The following RORA variants were observed in gnomAD, a reference collection of about 807,000 sequenced individuals.
RORA encodes nuclear receptor ROR-alpha.
RORA carries 7 observed loss-of-function variants against 69.5 expected under a neutral mutation model. The ratio of observed to expected loss-of-function variants is 0.10; its 90% CI spans 0.06 to 0.19. The LOEUF (loss-of-function observed/expected upper bound fraction) is 0.19, where lower values mean the gene tolerates loss of function less well. Among genes scored for constraint, RORA ranks in the 10% least tolerant of loss-of-function variants. The pLI is 1.00. For missense variants in RORA, 457 were observed against 663.0 expected (o/e 0.69, Z 3.41); for synonymous variants, 261 against 240.8 (o/e 1.08, Z -0.78).
chr15:60,784,948 C>A (rs2072315394), intron 1 of RORA, among the ~76,000 whole-genome samples: 2 of 152,154 alleles, frequency 1.3e-5, no homozygotes, highest in African/African-American at 2.4e-5. Flanking sequence ...AGATGTCACC[C>A]CTGTCCCAGC....
intron 1 of RORA, among the ~76,000 whole-genome samples, chr15:60,767,437 G>T (rs1037008134): frequency 2.0e-5 from 3 of 152,168 alleles, no homozygotes; most frequent in Non-Finnish European, 2.9e-5. Flanking sequence ...CTTCACACAT[G>T]AAAAGTTGAG....
At chr15:60,749,125 G>A (rs2071688014) in intron 1 of RORA, among the ~76,000 whole-genome samples, 1 of 152,142 alleles carries the variant, frequency 6.6e-6, no homozygotes, top group South Asian at 2.1e-4. Context: ...TCTCTTGGAT[G>A]GAATTTTGAG....
At chr15:60,516,636 C>T (rs75885349) in intron 3 of RORA, among the ~76,000 whole-genome samples, 298 of 152,084 alleles carry the variant, frequency 2.0e-3, no homozygotes, top group African/African-American at 6.6e-3. Context: ...TGCTCTCCCA[C>T]TGAACGATTT....
intron 1 of RORA, among the ~76,000 whole-genome samples, chr15:61,129,688 C>G (rs1411305774): frequency 1.3e-5 from 2 of 152,170 alleles, no homozygotes; most frequent in African/African-American, 4.8e-5. Flanking sequence ...GTCAAAGGAT[C>G]AGAAATTCCG....
At chr15:60,585,569 G>A (rs1475534784) in intron 2 of RORA, among the ~76,000 whole-genome samples, 1 of 152,200 alleles carries the variant, frequency 6.6e-6, no homozygotes, top group East Asian at 1.9e-4. Flanking sequence ...GCTGAATTTA[G>A]CTCATCAAAT....
intron 1 of RORA, among the ~76,000 whole-genome samples, chr15:60,784,833 T>C (rs2072313910): frequency 6.6e-6 from 1 of 152,206 alleles, no homozygotes; most frequent in African/African-American, 2.4e-5. Context: ...ACCAGTATCC[T>C]AGCTGTGTCC....
intron 2 of RORA, among the ~76,000 whole-genome samples, chr15:60,624,770 C>G (rs531441038): frequency 6.6e-6 from 1 of 151,978 alleles, no homozygotes; most frequent in African/African-American, 2.4e-5. Context: ...TAACATCCAT[C>G]TGTGTTCAAA....
chr15:61,082,220 G>A (rs1023905419), intron 1 of RORA, among the ~76,000 whole-genome samples: 1 of 152,194 alleles, frequency 6.6e-6, no homozygotes, highest in African/African-American at 2.4e-5. Flanking sequence ...CGGGCGCAGT[G>A]GCTCACACCT....
chr15:60,519,654 G>A (rs1234536016), intron 3 of RORA, among the ~76,000 whole-genome samples: 1 of 152,162 alleles, frequency 6.6e-6, no homozygotes, highest in African/African-American at 2.4e-5. Context: ...AGCTGACCCA[G>A]CTTCCTACCG....
chr15:60,803,920 A>G (rs1360207451), intron 1 of RORA, among the ~76,000 whole-genome samples: 1 of 151,948 alleles, frequency 6.6e-6, no homozygotes, highest in Non-Finnish European at 1.5e-5. Context: ...TCCACTCTAT[A>G]TTTTCTCTCT....
intron 2 of RORA, among the ~76,000 whole-genome samples, chr15:60,648,313 G>A (rs531762712): frequency 2.0e-5 from 3 of 152,210 alleles, no homozygotes; most frequent in African/African-American, 7.2e-5. Flanking sequence ...AATATTGGAT[G>A]CATTGTTAGT....
At chr15:60,613,696 CTGTGTGTGTGTGTGTGTGTGTGTG>C (rs66616801) in intron 2 of RORA, among the ~76,000 whole-genome samples, 2 of 125,324 alleles carry the variant, frequency 1.6e-5, no homozygotes, top group South Asian at 2.8e-4. Flanking sequence ...AATTTGATAT[CTGTGTGTGTGTGTGTGTGTGTGTG>C]TGTGTGTGTG....
intron 1 of RORA, among the ~76,000 whole-genome samples, chr15:60,974,782 G>A (rs549737238): frequency 2.3e-4 from 35 of 152,114 alleles, no homozygotes; most frequent in Non-Finnish European, 5.0e-4. Context: ...CCCCAGCGTG[G>A]GGCAAGGGGA....
chr15:60,903,406 C>T (rs985978646), intron 1 of RORA, among the ~76,000 whole-genome samples: 2 of 152,114 alleles, frequency 1.3e-5, no homozygotes, highest in African/African-American at 4.8e-5. Flanking sequence ...CCCTATTGGC[C>T]GATTTGGCAA....
intron 1 of RORA, among the ~76,000 whole-genome samples, chr15:61,025,971 G>C (rs1240390761): frequency 6.6e-6 from 1 of 152,150 alleles, no homozygotes; most frequent in South Asian, 2.1e-4. Context: ...CAGGCTCATT[G>C]TGTATGCACC....
chr15:60,898,023 CA>C (rs989365563), intron 1 of RORA, among the ~76,000 whole-genome samples: 1 of 152,102 alleles, frequency 6.6e-6, no homozygotes, highest in Non-Finnish European at 1.5e-5. Context: ...CTTAAGTAGT[CA>C]AAAAACTGTA....
At chr15:60,625,947 G>C (rs182035897) in intron 2 of RORA, among the ~76,000 whole-genome samples, 2 of 152,318 alleles carry the variant, frequency 1.3e-5, no homozygotes, top group Admixed American at 6.5e-5. Context: ...ACAACAAAGT[G>C]AAAATATGAG....
intron 1 of RORA, among the ~76,000 whole-genome samples, chr15:61,156,030 T>C (rs1289815437): frequency 6.6e-6 from 1 of 152,136 alleles, no homozygotes; most frequent in African/African-American, 2.4e-5. Context: ...TTCACTCTCC[T>C]TGCACATGAC....
At chr15:60,682,243 A>C (rs1030273959) in intron 1 of RORA, 2 of 152,248 alleles carry the variant, frequency 1.3e-5, no homozygotes, top group Admixed American at 6.5e-5. Flanking sequence ...TGAGCAACTC[A>C]CATAGTATTA....
Sources: gnomAD v4.1 joint callset for allele counts (sites outside exome capture counted in the v4.1 genomes callset) on GRCh38, gnomAD v4.1.1 for gene constraint, MANE v1.5 for transcripts, NCBI Gene and HGNC (gene_info 2026-07-23, HGNC 2026-07-21) for gene names.